Variants in PEX16 observed in about 807,000 individuals in gnomAD.
PEX16 encodes peroxin 16.
PEX16 carries 37 observed loss-of-function variants against 50.5 expected under a neutral mutation model. The ratio of observed to expected loss-of-function variants is 0.73; its 90% CI spans 0.56 to 0.96. The LOEUF (loss-of-function observed/expected upper bound fraction) is 0.96. Among genes scored for constraint, PEX16 ranks in the 40% least tolerant of loss-of-function variants. The probability of loss-of-function intolerance (pLI) is 0.00; values close to 1 mark genes in which losing one functional copy is unlikely to be tolerated. For synonymous variants in PEX16, 185 were observed against 190.3 expected (o/e 0.97, Z 0.23); for missense variants, 401 against 438.3 (o/e 0.91, Z 0.76).
intron 2 of PEX16, 118 bp from the exon 3 acceptor site, chr11:45,916,421 G>A (rs2086836764): frequency 1.2e-6 from 1 of 816,602 alleles, no homozygotes; most frequent in Non-Finnish European, 2.1e-6. Flanking sequence ...CACAGACTAT[G>A]TGGAAACCAA....
upstream of PEX16, chr11:45,917,978 C>T (rs2086858680): frequency 4.4e-6 from 3 of 688,388 alleles, no homozygotes; most frequent in South Asian, 4.6e-5. Context: ...CACCCTTCAC[C>T]CCATCTCTTG....
At chr11:45,914,548 C>T in intron 6 of PEX16, 56 bp downstream of exon 6, 1 of 1,612,066 alleles carries the variant, frequency 6.2e-7, no homozygotes, top group South Asian at 1.1e-5. Flanking sequence ...AAGCCAGTCC[C>T]TCAAGCCCAG....
intron 2 of PEX16, chr11:45,917,045 A>G: frequency 2.0e-6 from 1 of 496,178 alleles, no homozygotes; most frequent in Non-Finnish European, 3.9e-6. Flanking sequence ...CTCTTGAGGT[A>G]GTTACAATCT....
chr11:45,913,769 G>C, intron 9 of PEX16, 50 bp downstream of exon 9: 3 of 1,610,762 alleles, frequency 1.9e-6, no homozygotes, highest in Non-Finnish European at 2.5e-6. Context: ...CGGAGCACCA[G>C]TGCCCGCTTG....
At chr11:45,915,599 G>T in intron 4 of PEX16, 31 bp from the exon 5 acceptor site, 1 of 1,613,360 alleles carries the variant, frequency 6.2e-7, no homozygotes, top group Non-Finnish European at 8.5e-7. Context: ...GGGTTGTGGG[G>T]AGGTGGCTAG....
At chr11:45,917,319 C>A in intron 2 of PEX16, 139 bp downstream of exon 2, 1 of 766,732 alleles carries the variant, frequency 1.3e-6, no homozygotes, top group East Asian at 2.6e-5. Context: ...GAACAACAGA[C>A]CTTGTGCCGA....
In PEX16 at chr11:45,915,587, C is replaced by G; in HGVS notation, c.360-19G>C. ...TACAGCCCTGGGTCGGGGAGTATGT[C>G]AGGGTTGTGGGGAGGTGGCTAGCCG... is the stretch of plus-strand genomic sequence containing the variant. On this transcript the variant is annotated intron_variant, in intron 4 of 10. Coordinates refer to ENST00000378750, the MANE Select transcript of PEX16 (RefSeq NM_004813.4). The G allele has an allele frequency of 6.2e-7, 1 of 1,613,950 alleles. No homozygotes were observed. Among genetic ancestry groups the G allele is most frequent in the African/African-American group, 1.3e-5 (1 of 75,028 alleles).
chr11:45,911,295 GT>G (rs2086776332), intron 9 of PEX16, among the ~76,000 whole-genome samples: 1 of 152,166 alleles, frequency 6.6e-6, no homozygotes, highest in Non-Finnish European at 1.5e-5. Context: ...ATGGTGGAGG[GT>G]CCAGGGAGGA....
At chr11:45,915,083 G>A (rs1315505261) in intron 5 of PEX16, among the ~76,000 whole-genome samples, 2 of 152,380 alleles carry the variant, frequency 1.3e-5, no homozygotes, top group African/African-American at 2.4e-5. Flanking sequence ...AATGTCCAGA[G>A]AGTGAGGCCC....
Position 45,916,385 on chromosome 11 carries a change from C to T in PEX16, c.149-82G>A. On this transcript the variant is annotated intron_variant, in intron 2 of 10. Coordinates refer to ENST00000378750, the MANE Select transcript of PEX16 (RefSeq NM_004813.4). Reference sequence around the variant, plus strand: ...CTTCTCCCCAGAGCTGCAGGGATCACCTGTCACATGCTCTGCTCAGACACC... The same window carrying T: ...CTTCTCCCCAGAGCTGCAGGGATCATCTGTCACATGCTCTGCTCAGACACC... 12 of 1,086,764 alleles carry T rather than the reference C, an allele frequency of 1.1e-5. No homozygotes were observed. The South Asian group carries it at 1.5e-4, about 14-fold the overall frequency. 67.3% of individuals were successfully genotyped at this position (1,086,764 alleles called of 1,614,324 possible). A position where few individuals can be genotyped will look rare whatever the true frequency, so the allele number is the denominator to read the frequency against.
Position 45,914,629 on chromosome 11 carries a change from G to A in PEX16, c.516C>T (p.Asn172=), listed in dbSNP as rs1194921577. The part of the protein sequence containing the change: ...HEQSYVGKRS[N]RVVRTLQNTP... ...TGTTCTGGAGGGTTCGCACCACCCGGTTTGACCGCTTCCCCACGTAGGACT... is the reference window on the plus strand; with the variant it reads ...TGTTCTGGAGGGTTCGCACCACCCGATTTGACCGCTTCCCCACGTAGGACT... Residue 172 remains asparagine (N), a synonymous_variant, in exon 6 of 11, where the codon AAC becomes AAT. Coordinates refer to ENST00000378750, the MANE Select transcript of PEX16 (RefSeq NM_004813.4). 1.2e-6 allele frequency: 2 copies of A among 1,614,220 alleles called. No individual in the cohort carries two copies. The highest frequency in any genetic ancestry group is 1.7e-5 in the Admixed American group (1 of 60,032).
In PEX16 at chr11:45,915,504, C is replaced by T. The variant is rs764718228; in HGVS notation, c.424G>A (p.Val142Ile). Residue 142 changes from valine (V) to isoleucine (I), a missense_variant, in exon 5 of 11, where the codon GTT becomes ATT. Coordinates refer to ENST00000378750, the MANE Select transcript of PEX16 (RefSeq NM_004813.4). ...GCCTGGGTCTCTCTGTCCAGTGGAA[C>T]GATAGGGGGTGAAGTCTGGAGGCCA... ...KAGLQTSPPI[V>I]PLDRETQAQP... The T allele has an allele frequency of 1.1e-5, 18 of 1,614,010 alleles. No individual in the cohort carries two copies. Among genetic ancestry groups the T allele is most frequent in the Middle Eastern group, 1.6e-4 (1 of 6,084 alleles).
chr11:45,915,784 T>C lies in PEX16; in HGVS notation c.278A>G (p.Glu93Gly). 6.2e-7 allele frequency: 1 copy of C among 1,613,658 alleles called. No homozygotes were observed. The highest frequency in any genetic ancestry group is 2.2e-5 in the East Asian group (1 of 44,794). ...GGCAGCTCCCATCTCCATGAACACC[T>C]CCACGCACTCCAGCACGCTCAGCCA... Reference protein sequence around the residue: ...LTWLSVLECVEVFMEMGAAKV... With the variant: ...LTWLSVLECVGVFMEMGAAKV... The change falls in exon 4 of 11, where the codon GAG (glutamate) becomes GGG (glycine). Residue 93 changes from glutamate to glycine, a missense_variant. Physicochemically the swap from Glu to Gly is moderately conservative, Grantham distance 98. Coordinates refer to ENST00000378750, the MANE Select transcript of PEX16 (RefSeq NM_004813.4).
intron 7 of PEX16, 27 bp from the exon 8 acceptor site, chr11:45,914,230 T>C (rs774876161): frequency 2.4e-5 from 39 of 1,613,084 alleles, no homozygotes; most frequent in Non-Finnish European, 2.6e-5. Flanking sequence ...CAAGGATGTC[T>C]CCAGCACAGG....
chr11:45,914,084 G>A (rs2086806125), intron 8 of PEX16, 47 bp downstream of exon 8: 1 of 1,576,890 alleles, frequency 6.3e-7, no homozygotes, highest in South Asian at 1.1e-5. Flanking sequence ...CAGGATTATA[G>A]CAGAAAGCCC....
Position 45,910,098 on chromosome 11 carries a change from T to A in PEX16, c.*156A>T. The A allele has an allele frequency of 6.2e-7, 1 of 1,611,322 alleles. No homozygotes were observed. The stretch of plus-strand genomic sequence containing the variant: ...TCACAGGAGAGCGCAGTCAAGGGTG[T>A]CCTGGGAGGAACGCTGGTGGCGACC... On this transcript the variant is annotated 3_prime_UTR_variant, in exon 11 of 11. Transcript: ENST00000378750.
In PEX16 at chr11:45,915,850, A is replaced by T; in HGVS notation, c.226-14T>A. The T allele has an allele frequency of 6.2e-7, 1 of 1,613,408 alleles. No homozygotes were observed. The highest frequency in any genetic ancestry group is 8.5e-7 in the Non-Finnish European group (1 of 1,179,748). On this transcript the variant is annotated splice_polypyrimidine_tract_variant and intron_variant, in intron 3 of 10. Transcript: ENST00000378750. ...CTGGGACAGCGACTGCAAGAACCCCAGGCCAAGAAGTCAGGGGGCCTGGGA... is the reference window on the plus strand; with the variant it reads ...CTGGGACAGCGACTGCAAGAACCCCTGGCCAAGAAGTCAGGGGGCCTGGGA...
At chr11:45,910,794 G>C in intron 10 of PEX16, 104 bp downstream of exon 10, 1 of 1,129,062 alleles carries the variant, frequency 8.9e-7, no homozygotes, top group Non-Finnish European at 1.4e-6. Flanking sequence ...TTCCTCTCCT[G>C]ACTGTGCCAA....
chr11:45,910,320 G>A lies in PEX16; in HGVS notation c.953-8C>T. On this transcript the variant is annotated splice_polypyrimidine_tract_variant and splice_region_variant and intron_variant, in intron 10 of 10. Coordinates refer to ENST00000378750, the MANE Select transcript of PEX16 (RefSeq NM_004813.4). ...AGTAATCCATGAGCGGCCCTGCAGT[G>A]GGAGAGGGACACATCAGGGCAGGCC... 6 of 1,609,716 alleles carry A rather than the reference G, an allele frequency of 3.7e-6. No individual in the cohort carries two copies. Among genetic ancestry groups the A allele is most frequent in the Non-Finnish European group, 4.3e-6 (5 of 1,176,270 alleles).
Sources: allele counts gnomAD v4.1 joint callset (sites outside exome capture counted in the v4.1 genomes callset), GRCh38; gene constraint gnomAD v4.1.1; transcripts MANE v1.5; gene names NCBI Gene and HGNC (gene_info 2026-07-23, HGNC 2026-07-21).